The following TNFSF8 variants were observed in gnomAD, a reference collection of about 807,000 sequenced individuals.
TNFSF8 encodes the protein tumor necrosis factor ligand superfamily member 8.
In TNFSF8, 4 loss-of-function variants were observed where a neutral mutation model predicts 22.0. The observed-to-expected ratio is 0.18, with a 90% CI of 0.09 to 0.42. The LOEUF is 0.42. Ranked by LOEUF, TNFSF8 falls within the 10% of genes least tolerant of loss-of-function variation. TNFSF8 has a pLI of 1.00. For synonymous variants in TNFSF8, 106 were observed against 112.5 expected, an observed-to-expected ratio of 0.94 and a Z score of 0.37; for missense variants, 233 against 281.8, an observed-to-expected ratio of 0.83 and a Z score of 1.24.
chr9:114,929,967 T>C, intron 1 of TNFSF8, 142 bp downstream of exon 1: 1 of 304,180 alleles, frequency 3.3e-6, no homozygotes, highest in Admixed American at 5.7e-5. Context: ...CTATAGTATA[T>C]ATATATATAT....
intron 2 of TNFSF8, among the ~76,000 whole-genome samples, chr9:114,914,389 G>A (rs1406173355): frequency 6.6e-6 from 1 of 152,206 alleles, no homozygotes; most frequent in Non-Finnish European, 1.5e-5. Flanking sequence ...TTCAAACTTG[G>A]AAATCAAGGC....
intron 1 of TNFSF8, among the ~76,000 whole-genome samples, chr9:114,929,029 G>A (rs1164272850): frequency 6.6e-6 from 1 of 152,166 alleles, no homozygotes; most frequent in Non-Finnish European, 1.5e-5. Flanking sequence ...ACTTTGGCAG[G>A]TCATGTGGGT....
At chr9:114,917,058 T>G (rs1415812601) in intron 2 of TNFSF8, among the ~76,000 whole-genome samples, 3 of 152,132 alleles carry the variant, frequency 2.0e-5, no homozygotes, top group African/African-American at 4.8e-5. Context: ...ATTTTTGAAG[T>G]CTCTGGGTGA....
intron 1 of TNFSF8, among the ~76,000 whole-genome samples, chr9:114,929,287 A>G (rs751078565): frequency 1.3e-5 from 2 of 152,018 alleles, no homozygotes; most frequent in Non-Finnish European, 2.9e-5. Context: ...ACGATTGCTT[A>G]GTATTGTGAG....
At chr9:114,906,081 A>T (rs3181194) in intron 2 of TNFSF8, among the ~76,000 whole-genome samples, 182 bp from the exon 3 acceptor site, 31,738 of 152,066 alleles carry the variant, frequency 0.21, 7,112 homozygotes, top group African/African-American at 0.56. Flanking sequence ...TTAATTTTTT[A>T]AATTTATTTT....
At chr9:114,896,186 C>T (rs182162830), downstream of TNFSF8, among the ~76,000 whole-genome samples, 1 of 152,310 alleles carries the variant, frequency 6.6e-6, no homozygotes, top group Admixed American at 6.5e-5. Context: ...GTAAGGTGCA[C>T]CTGAATCTCT....
At position 114,930,190 on chromosome 9, in the gene TNFSF8, A is replaced by G; in HGVS notation, c.114T>C (p.Tyr38=). Residue 38 remains tyrosine (Y), a synonymous_variant, in exon 1 of 4, where the codon TAT becomes TAC. Transcript: ENST00000223795. The part of the protein sequence containing the change: ...ASHLGTTSRS[Y]FYLTTATLAL... Reference sequence around the variant, plus strand: ...CCAGAGTGGCTGTGGTCAAATAGAAATAGCTGCGGCTCGTGGTCCCCAGGT... The same window carrying G: ...CCAGAGTGGCTGTGGTCAAATAGAAGTAGCTGCGGCTCGTGGTCCCCAGGT... 6.2e-7 allele frequency: 1 copy of G among 1,605,696 alleles called. No individual in the cohort carries two copies. The highest frequency in any genetic ancestry group is 8.5e-7 in the Non-Finnish European group (1 of 1,175,964).
At chr9:114,909,410 G>T in intron 2 of TNFSF8, among the ~76,000 whole-genome samples, 1 of 152,220 alleles carries the variant, frequency 6.6e-6, no homozygotes, top group Non-Finnish European at 1.5e-5. Flanking sequence ...AGAACTGTCT[G>T]CAAGTCACGG....
In TNFSF8 at chr9:114,903,932, C is replaced by G. The variant is rs199746198; in HGVS notation, c.704G>C (p.Ter235SerextTer40). Residue 235 changes from the stop codon to serine (S), a stop_lost, in exon 4 of 4, where the codon TGA (stop) becomes TCA (serine). Coordinates refer to ENST00000223795, the MANE Select transcript of TNFSF8 (RefSeq NM_001244.4). The stretch of plus-strand genomic sequence containing the variant: ...TTCCTGAAGGCCAAGAGAAACTGTT[C>G]AGTCTGAATTACTGTATAAGAAGAT... The part of the protein sequence containing the change: ...LSIFLYSNSD[*>S] 1.1e-5 allele frequency: 18 copies of G among 1,604,108 alleles called. No homozygotes were observed. Among genetic ancestry groups the G allele is most frequent in the Non-Finnish European group, 1.5e-5 (18 of 1,174,130 alleles).
At chr9:114,923,839 G>GA (rs1731490433) in intron 1 of TNFSF8, among the ~76,000 whole-genome samples, 1 of 151,962 alleles carries the variant, frequency 6.6e-6, no homozygotes, top group African/African-American at 2.4e-5. Flanking sequence ...TAATGAGAAA[G>GA]AAAAAATGTT....
chr9:114,920,826 C>A (rs1361976695), intron 1 of TNFSF8, among the ~76,000 whole-genome samples: 2 of 152,034 alleles, frequency 1.3e-5, no homozygotes, highest in African/African-American at 4.8e-5. Context: ...CCACCACCAC[C>A]CCCGGCTAAT....
chr9:114,909,688 A>T (rs1241908217), intron 2 of TNFSF8, among the ~76,000 whole-genome samples: 3 of 152,106 alleles, frequency 2.0e-5, no homozygotes, highest in Non-Finnish European at 4.4e-5. Context: ...AAGGTTTGGG[A>T]TGGGGAGTCG....
intron 2 of TNFSF8, among the ~76,000 whole-genome samples, chr9:114,912,018 A>G (rs1036623169): frequency 6.6e-6 from 1 of 152,248 alleles, no homozygotes; most frequent in Non-Finnish European, 1.5e-5. Flanking sequence ...ATGCAAAAGT[A>G]TGGCAGCAAT....
rs754523403 is a variant in TNFSF8 at position 114,903,795 on chromosome 9, CAGA to C, written c.*133_*135del. The C allele has an allele frequency of 1.4e-6, 2 of 1,429,054 alleles. No individual in the cohort carries two copies. Among genetic ancestry groups the C allele is most frequent in the Non-Finnish European group, 1.8e-6 (2 of 1,097,752 alleles). The allele number at this position is 1,429,054 out of a possible 1,614,324, so 88.5% of individuals were successfully genotyped here. A position where few individuals can be genotyped will look rare whatever the true frequency, so the allele number is the denominator to read the frequency against. On this transcript the variant is annotated 3_prime_UTR_variant, in exon 4 of 4. Transcript: ENST00000223795. ...CCTGGAGCTGTATCTTTCCAAGAGA[CAGA>C]AGGAGAAGTATACTATTTAATACCC...
At chr9:114,897,509 T>A (rs186028714), downstream of TNFSF8, among the ~76,000 whole-genome samples, 1 of 152,066 alleles carries the variant, frequency 6.6e-6, no homozygotes, top group Non-Finnish European at 1.5e-5. Flanking sequence ...GGGTAAAGTG[T>A]CATGCAATTA....
intron 1 of TNFSF8, among the ~76,000 whole-genome samples, chr9:114,928,346 C>G (rs576165652): frequency 1.3e-5 from 2 of 152,158 alleles, no homozygotes; most frequent in Admixed American, 6.5e-5. Context: ...CTCAGGGTGA[C>G]GTAGTTCAAG....
intron 2 of TNFSF8, among the ~76,000 whole-genome samples, chr9:114,916,564 G>A (rs1827921612): frequency 6.6e-6 from 1 of 152,204 alleles, no homozygotes; most frequent in Non-Finnish European, 1.5e-5. Context: ...GGAGTGGGGA[G>A]GGGCAAGTTA....
chr9:114,918,068 A>G, intron 2 of TNFSF8, 28 bp downstream of exon 2: 1 of 1,583,800 alleles, frequency 6.3e-7, no homozygotes, highest in Non-Finnish European at 8.6e-7. Context: ...GACTTACTAC[A>G]CATTTACACC....
rs1827750961 is a variant in TNFSF8, at chr9:114,903,945, T to C, written c.691A>G (p.Ser231Gly). ...LENVLSIFLY[S>G]NSD ...AGAGAAACTGTTCAGTCTGAATTAC[T>C]GTATAAGAAGATGGACAACACATTC... The change falls in exon 4 of 4, where the codon AGT (serine) becomes GGT (glycine). Residue 231 changes from serine (S) to glycine (G), a missense_variant. By Grantham distance (56) the Ser-to-Gly change is moderately conservative. Coordinates refer to ENST00000223795, the MANE Select transcript of TNFSF8 (RefSeq NM_001244.4). 6.2e-7 allele frequency: 1 copy of C among 1,611,586 alleles called. No homozygotes were observed. The highest frequency in any genetic ancestry group is 8.5e-7 in the Non-Finnish European group (1 of 1,178,392).
Sources: allele counts gnomAD v4.1 joint callset (sites outside exome capture counted in the v4.1 genomes callset), GRCh38; gene constraint gnomAD v4.1.1; transcripts MANE v1.5; gene names NCBI Gene and HGNC (gene_info 2026-07-23, HGNC 2026-07-21).